Variants in ZNF469 observed in about 807,000 individuals in gnomAD.
ZNF469 encodes the protein zinc finger protein 469.
In ZNF469, 1 loss-of-function variant was observed where a neutral mutation model predicts 1.0. The ratio of observed to expected loss-of-function variants is 1.00; its 90% CI spans 0.35 to 4.73. The LOEUF is 4.73. Among genes scored for constraint, ZNF469 ranks in the 30% most tolerant of loss-of-function variants. ZNF469 has a pLI of 0.16. For synonymous variants in ZNF469, 2,703 were observed against 2,363.4 expected (o/e 1.14, Z -4.17); for missense variants, 6,100 against 5,356.3 (o/e 1.14, Z -4.33).
At chr16:88,235,395 T>C in the ZNF469 span, among the ~76,000 whole-genome samples, 1 of 152,166 alleles carries the variant, frequency 6.6e-6, no homozygotes, top group Non-Finnish European at 1.5e-5. Context: ...CCAACACACC[T>C]GGAGCGCGGA....
rs1906572399 is a variant in ZNF469 at position 88,436,343 on chromosome 16, TCAGCCTGTGGGCCCTGGAGCC to T, written c.8878_8898del (p.Leu2960_Ser2966del). 1.3e-6 allele frequency: 2 copies of T among 1,549,506 alleles called. No individual in the cohort carries two copies. The highest frequency in any genetic ancestry group is 1.7e-6 in the Non-Finnish European group (2 of 1,146,478). On this transcript the variant is annotated inframe_deletion, in exon 3 of 3. Transcript: ENST00000565624. The stretch of plus-strand genomic sequence containing the variant: ...GGCATTGACCCCTGGGCCCCCGGCC[TCAGCCTGTGGGCCCTGGAGCC>T]CAGCAGGGAAGCTGGTGCAGAGAAG...
the ZNF469 span, among the ~76,000 whole-genome samples, chr16:88,326,805 G>C: frequency 1.3e-5 from 2 of 152,162 alleles, no homozygotes; most frequent in African/African-American, 2.4e-5. Context: ...ACTCGGGCCG[G>C]TCCTGACCCC....
At chr16:88,279,771 G>C in the ZNF469 span, among the ~76,000 whole-genome samples, 70 of 149,088 alleles carry the variant, frequency 4.7e-4, no homozygotes, top group African/African-American at 1.7e-3. Flanking sequence ...GTAGATATCA[G>C]TGCACAGTTA....
At chr16:88,150,938 G>A in the ZNF469 span, among the ~76,000 whole-genome samples, 29 of 152,292 alleles carry the variant, frequency 1.9e-4, no homozygotes, top group African/African-American at 4.6e-4. Flanking sequence ...CCTCAGGCCC[G>A]GGGAAGGGGT....
the ZNF469 span, among the ~76,000 whole-genome samples, chr16:88,363,464 T>A: frequency 3.6e-3 from 555 of 152,344 alleles, no homozygotes; most frequent in Non-Finnish European, 5.9e-3. Context: ...TTGATTCCAA[T>A]TATTTAGCCC....
At chr16:88,184,345 T>C in the ZNF469 span, among the ~76,000 whole-genome samples, 3 of 151,992 alleles carry the variant, frequency 2.0e-5, no homozygotes, top group South Asian at 6.2e-4. Context: ...CCTGCTAACC[T>C]TGGCAAGCAG....
chr16:88,360,782 A>C, the ZNF469 span, among the ~76,000 whole-genome samples: 1 of 151,496 alleles, frequency 6.6e-6, no homozygotes, highest in Non-Finnish European at 1.5e-5. Context: ...CCTCAAAGGC[A>C]GTCCACCCCC....
At chr16:88,289,008 G>T in the ZNF469 span, among the ~76,000 whole-genome samples, 5 of 152,160 alleles carry the variant, frequency 3.3e-5, no homozygotes, top group African/African-American at 1.2e-4. Context: ...TGGTGGTGAT[G>T]ATAATGACGA....
chr16:88,210,342 C>A, the ZNF469 span, among the ~76,000 whole-genome samples: 1 of 151,626 alleles, frequency 6.6e-6, no homozygotes, highest in Non-Finnish European at 1.5e-5. Flanking sequence ...TGTCATTTGT[C>A]CTTTGGATTT....
chr16:88,417,476 C>T (rs904141879), intron 1 of ZNF469, among the ~76,000 whole-genome samples: 7 of 152,192 alleles, frequency 4.6e-5, no homozygotes, highest in African/African-American at 1.7e-4. Flanking sequence ...CCTTGGGATA[C>T]CCGCCTGGCT....
chr16:88,119,837 G>C, the ZNF469 span, among the ~76,000 whole-genome samples: 1 of 152,208 alleles, frequency 6.6e-6, no homozygotes, highest in Non-Finnish European at 1.5e-5. Context: ...AGTGGGGTTA[G>C]GGAAGAGATG....
chr16:88,353,799 C>T, the ZNF469 span, among the ~76,000 whole-genome samples: 5 of 152,266 alleles, frequency 3.3e-5, no homozygotes, highest in South Asian at 2.1e-4. Context: ...TCTGGGGATG[C>T]GGCCACTCGC....
chr16:88,292,101 G>C, the ZNF469 span, among the ~76,000 whole-genome samples: 1 of 152,202 alleles, frequency 6.6e-6, no homozygotes, highest in African/African-American at 2.4e-5. Flanking sequence ...TTAAGGCAAG[G>C]GGGTGCCATG....
At chr16:88,183,536 C>T in the ZNF469 span, among the ~76,000 whole-genome samples, 1 of 152,204 alleles carries the variant, frequency 6.6e-6, no homozygotes, top group Non-Finnish European at 1.5e-5. Context: ...CAAAAGTCTC[C>T]ATCCTGTGGG....
At chr16:88,249,429 CTTTTTTTT>C in the ZNF469 span, among the ~76,000 whole-genome samples, 333 of 63,604 alleles carry the variant, frequency 5.2e-3, no homozygotes, top group African/African-American at 0.027. Flanking sequence ...TTTTCTTTTT[CTTTTTTTT>C]TTTTTTTTTT....
intron 1 of ZNF469, among the ~76,000 whole-genome samples, chr16:88,397,626 T>TATAAATAAA (rs1416857054): frequency 6.8e-6 from 1 of 147,324 alleles, no homozygotes; most frequent in African/African-American, 2.6e-5. Flanking sequence ...GATGGGTGGA[T>TATAAATAAA]GGATGGATGG....
chr16:88,172,281 C>T, the ZNF469 span, among the ~76,000 whole-genome samples: 7 of 152,104 alleles, frequency 4.6e-5, no homozygotes, highest in Non-Finnish European at 4.4e-5. Flanking sequence ...AACACCCACC[C>T]GAAAGGAGCA....
At chr16:88,327,296 G>A in the ZNF469 span, among the ~76,000 whole-genome samples, 3 of 152,040 alleles carry the variant, frequency 2.0e-5, no homozygotes, top group South Asian at 2.1e-4. Context: ...TCAGCCTCAC[G>A]CCAGCCCCCG....
chr16:88,319,160 G>C, the ZNF469 span, among the ~76,000 whole-genome samples: 2 of 152,114 alleles, frequency 1.3e-5, no homozygotes, highest in Non-Finnish European at 1.5e-5. Flanking sequence ...TTTGGGGTTC[G>C]GGCTCCTCAC....
Sources: gnomAD v4.1 joint callset for allele counts (sites outside exome capture counted in the v4.1 genomes callset) on GRCh38, gnomAD v4.1.1 for gene constraint, MANE v1.5 for transcripts, NCBI Gene and HGNC (gene_info 2026-07-23, HGNC 2026-07-21) for gene names.